The following C10orf67 variants were observed in gnomAD, a reference collection of about 807,000 sequenced individuals.
The protein encoded by C10orf67 is chromosome 10 open reading frame 67, also known as uncharacterized protein C10orf67, mitochondrial.
In C10orf67, 60 loss-of-function variants were observed where a neutral mutation model predicts 35.6. The ratio of observed to expected loss-of-function variants is 1.68; its 90% CI spans 1.37 to 2.09. C10orf67 has a LOEUF of 2.09. Among genes scored for constraint, C10orf67 ranks in the 30% most tolerant of loss-of-function variants. The probability of loss-of-function intolerance (pLI) is 0.00; values close to 1 mark genes in which losing one functional copy is unlikely to be tolerated. For synonymous variants in C10orf67, 167 were observed against 115.8 expected, an observed-to-expected ratio of 1.44 and a Z score of -2.84; for missense variants, 474 against 330.2, an observed-to-expected ratio of 1.44 and a Z score of -3.38.
intron 15 of C10orf67, among the ~76,000 whole-genome samples, chr10:23,211,483 G>T (rs966727799): frequency 1.4e-4 from 14 of 99,120 alleles, no homozygotes; most frequent in South Asian, 3.1e-4. Flanking sequence ...GTGTGTGGGG[G>T]GGGGGGGTAT....
intron 8 of C10orf67, among the ~76,000 whole-genome samples, chr10:23,274,991 C>CG (rs916557249): frequency 7.2e-4 from 110 of 152,264 alleles, no homozygotes; most frequent in African/African-American, 2.6e-3. Context: ...TCCCTCTGTT[C>CG]GGGGTCCCTG....
At chr10:23,290,888 C>A (rs1219591291) in intron 6 of C10orf67, among the ~76,000 whole-genome samples, 1 of 152,178 alleles carries the variant, frequency 6.6e-6, no homozygotes, top group Non-Finnish European at 1.5e-5. Context: ...TTTGCAAAGG[C>A]CAATGTCTGT....
chr10:23,307,608 G>GTTTTTTT (rs56738859), intron 4 of C10orf67, among the ~76,000 whole-genome samples: 9 of 135,768 alleles, frequency 6.6e-5, no homozygotes, highest in African/African-American at 2.5e-4. Context: ...TTTTTATTTA[G>GTTTTTTT]TTTTTTTTTT....
At chr10:23,251,349 T>C (rs563550296) in intron 10 of C10orf67, among the ~76,000 whole-genome samples, 10 of 152,334 alleles carry the variant, frequency 6.6e-5, no homozygotes, top group African/African-American at 2.4e-4. Context: ...TCTCTCCATC[T>C]CTTCGTCATA....
rs934184770 is a variant in C10orf67, at chr10:23,278,802, A to G, written c.975+3211T>C. ...AGAACTCTGAGGCATCCTTATCTGA[A>G]TCTCCTGAGTGTAAAGAGAGAAATC... On this transcript the variant is annotated intron_variant, in intron 8 of 15. Coordinates refer to ENST00000636213, the MANE Select transcript of C10orf67 (RefSeq NM_001371909.1). Among the ~76,000 whole-genome samples, 35 of 152,186 alleles carry G rather than the reference A, an allele frequency of 2.3e-4. 1 individual carries two copies. Among genetic ancestry groups the G allele is most frequent in the African/African-American group, 6.8e-4 (28 of 41,446 alleles).
At chr10:23,325,197 C>T (rs867949402) in intron 2 of C10orf67, among the ~76,000 whole-genome samples, 19 of 151,878 alleles carry the variant, frequency 1.3e-4, no homozygotes, top group African/African-American at 4.1e-4. Context: ...ATTAGCCAGG[C>T]GTGGTGGTGT....
intron 8 of C10orf67, among the ~76,000 whole-genome samples, chr10:23,268,779 A>G (rs1051809043): frequency 4.6e-5 from 7 of 152,258 alleles, no homozygotes; most frequent in African/African-American, 7.2e-5. Flanking sequence ...ACAGCCCACT[A>G]CACGCCTAGA....
chr10:23,251,112 T>C (rs1481051930), intron 10 of C10orf67, among the ~76,000 whole-genome samples: 1 of 152,082 alleles, frequency 6.6e-6, no homozygotes, highest in Non-Finnish European at 1.5e-5. Context: ...AATTTTTTTT[T>C]CGAGAGAACA....
intron 12 of C10orf67, among the ~76,000 whole-genome samples, chr10:23,249,849 C>T (rs1842404187): frequency 6.6e-6 from 1 of 152,106 alleles, no homozygotes; most frequent in Non-Finnish European, 1.5e-5. Flanking sequence ...GAAATTATGG[C>T]AGAACACAAC....
At chr10:23,316,457 CT>C (rs921719298) in intron 4 of C10orf67, among the ~76,000 whole-genome samples, 3 of 152,234 alleles carry the variant, frequency 2.0e-5, no homozygotes, top group African/African-American at 7.2e-5. Context: ...GTCTTGTTGC[CT>C]GCAGTGTGGT....
At chr10:23,273,531 T>A (rs546055045) in intron 8 of C10orf67, among the ~76,000 whole-genome samples, 33 of 152,304 alleles carry the variant, frequency 2.2e-4, no homozygotes, top group Admixed American at 8.5e-4. Context: ...CAGCTTGCAG[T>A]CTGGAATCTC....
rs752140629 is a variant in C10orf67 at position 23,322,837 on chromosome 10, A to AAT, written c.328-302_328-301dup. 5.6e-3 allele frequency among the ~76,000 whole-genome samples: 844 copies of AAT among 151,340 alleles called. 7 individuals are homozygous for AAT. Among genetic ancestry groups the AAT allele is most frequent in the African/African-American group, 0.018 (760 of 41,306 alleles). On this transcript the variant is annotated intron_variant, in intron 2 of 15. Transcript: ENST00000636213. Reference sequence around the variant, plus strand: ...ATGTACCCCTGAACCTAAAAGTTAAAATATATATATATATACACACATTAA... The same window carrying AAT: ...ATGTACCCCTGAACCTAAAAGTTAAAATATATATATATATATACACACATTAA...
At chr10:23,219,750 G>A (rs908399580) in intron 15 of C10orf67, among the ~76,000 whole-genome samples, 1 of 152,144 alleles carries the variant, frequency 6.6e-6, no homozygotes, top group African/African-American at 2.4e-5. Context: ...ATCACCTGAT[G>A]TAACATTATT....
chr10:23,270,821 T>C (rs1471287566), intron 8 of C10orf67, among the ~76,000 whole-genome samples: 1 of 152,170 alleles, frequency 6.6e-6, no homozygotes, highest in Non-Finnish European at 1.5e-5. Context: ...TGTGCAGAAA[T>C]AGTGGCCAGA....
rs116734178 is a variant in C10orf67 at position 23,234,344 on chromosome 10, T to A, written c.1434+5385A>T. Reference sequence around the variant, plus strand: ...CACACCATGGAATACTATGCAGCCATGTCAAAGAATGAGATCTTGTCCTCT... The same window carrying A: ...CACACCATGGAATACTATGCAGCCAAGTCAAAGAATGAGATCTTGTCCTCT... On this transcript the variant is annotated intron_variant, in intron 13 of 15. Transcript: ENST00000636213. 2.5e-3 allele frequency among the ~76,000 whole-genome samples: 384 copies of A among 152,294 alleles called. 2 individuals are homozygous for A. The highest frequency in any genetic ancestry group is 8.6e-3 in the African/African-American group (356 of 41,570).
chr10:23,210,424 T>A (rs948972397), intron 15 of C10orf67, among the ~76,000 whole-genome samples: 5 of 152,270 alleles, frequency 3.3e-5, no homozygotes, highest in Admixed American at 1.3e-4. Context: ...AGACTCAATT[T>A]TTTTTTCCTT....
chr10:23,231,245 A>T (rs1841907883), intron 13 of C10orf67, among the ~76,000 whole-genome samples: 1 of 152,124 alleles, frequency 6.6e-6, no homozygotes, highest in African/African-American at 2.4e-5. Flanking sequence ...TTGCAATTGG[A>T]TGCAGTTCTA....
At chr10:23,284,114 TA>T (rs71395837) in intron 7 of C10orf67, among the ~76,000 whole-genome samples, 242 of 137,514 alleles carry the variant, frequency 1.8e-3, no homozygotes, top group South Asian at 2.6e-3. Flanking sequence ...ATCCAGGGCT[TA>T]AAAAAAAAAA....
chr10:23,227,748 T>C (rs1564461841), intron 13 of C10orf67, among the ~76,000 whole-genome samples: 5 of 152,158 alleles, frequency 3.3e-5, no homozygotes, highest in Non-Finnish European at 7.4e-5. Context: ...CGTCTCAGGA[T>C]ACAAAATCAA....
Sources: gnomAD v4.1 joint callset for allele counts (sites outside exome capture counted in the v4.1 genomes callset) on GRCh38, gnomAD v4.1.1 for gene constraint, MANE v1.5 for transcripts, NCBI Gene and HGNC (gene_info 2026-07-23, HGNC 2026-07-21) for gene names.